The following NLGN1 variants were observed in gnomAD, a reference collection of about 807,000 sequenced individuals.
NLGN1 encodes the protein neuroligin 1, also known as neuroligin-1.
NLGN1 carries 12 observed loss-of-function variants against 65.5 expected under a neutral mutation model. The ratio of observed to expected loss-of-function variants is 0.18; its 90% CI spans 0.12 to 0.30. NLGN1 has a LOEUF of 0.30. NLGN1 is among the 10% of genes least tolerant of loss of function. NLGN1 has a pLI of 1.00. For synonymous variants in NLGN1, 350 were observed against 359.5 expected (o/e 0.97, Z 0.30); for missense variants, 750 against 1,007.1 (o/e 0.74, Z 3.46).
intron 2 of NLGN1, among the ~76,000 whole-genome samples, chr3:173,547,806 G>T (rs1385424335): frequency 6.6e-6 from 1 of 152,064 alleles, no homozygotes; most frequent in African/African-American, 2.4e-5. Context: ...TAAAATGAAG[G>T]TGGTCTGATT....
At chr3:173,472,126 A>C (rs1341857333) in intron 2 of NLGN1, among the ~76,000 whole-genome samples, 3 of 152,284 alleles carry the variant, frequency 2.0e-5, no homozygotes, top group South Asian at 4.1e-4. Flanking sequence ...TATGTAAAGT[A>C]ATGCACACGC....
At chr3:173,642,411 G>A (rs1357518486) in intron 3 of NLGN1, among the ~76,000 whole-genome samples, 2 of 152,102 alleles carry the variant, frequency 1.3e-5, no homozygotes, top group Non-Finnish European at 2.9e-5. Context: ...GGCATTGGGG[G>A]GTCTCCCTTG....
At chr3:174,108,977 G>A (rs558269693) in intron 4 of NLGN1, among the ~76,000 whole-genome samples, 51 of 152,000 alleles carry the variant, frequency 3.4e-4, no homozygotes, top group Middle Eastern at 6.8e-3. Context: ...TATATAACAG[G>A]TTTTTTATAA....
chr3:173,940,239 C>T (rs1303215660), intron 4 of NLGN1, among the ~76,000 whole-genome samples: 2 of 151,856 alleles, frequency 1.3e-5, no homozygotes, highest in African/African-American at 2.4e-5. Flanking sequence ...CAGGCATGCA[C>T]CACCACGCCC....
chr3:173,799,489 A>G (rs530088083), intron 3 of NLGN1, among the ~76,000 whole-genome samples: 1 of 152,108 alleles, frequency 6.6e-6, no homozygotes, highest in Admixed American at 6.5e-5. Flanking sequence ...ATTATAAATA[A>G]CTATACTGAG....
chr3:174,281,138 A>G, exon 7 of NLGN1: 1 of 1,613,402 alleles, frequency 6.2e-7, no homozygotes, highest in Non-Finnish European at 8.5e-7. Context: ...TGAGGAGGTC[A>G]CCTGATGATG....
intron 4 of NLGN1, among the ~76,000 whole-genome samples, chr3:174,199,656 T>C (rs1734084504): frequency 6.6e-6 from 1 of 152,120 alleles, no homozygotes; most frequent in African/African-American, 2.4e-5. Context: ...GTCAAATACA[T>C]GCTCCGAAAG....
intron 4 of NLGN1, among the ~76,000 whole-genome samples, chr3:174,201,364 AAGGAAGGAAGGAAAG>A (rs1395954132): frequency 6.6e-5 from 9 of 136,986 alleles, no homozygotes; most frequent in African/African-American, 8.8e-5. Flanking sequence ...GGAAGGAAGG[AAGGAAGGAAGGAAAG>A]AAGGAAGGAA....
At chr3:173,733,937 A>G (rs9827522) in intron 3 of NLGN1, among the ~76,000 whole-genome samples, 3,152 of 152,228 alleles carry the variant, frequency 0.021, 110 homozygotes, top group African/African-American at 0.072. Context: ...GTGAATGAGC[A>G]TAAAACCTAA....
intron 4 of NLGN1, among the ~76,000 whole-genome samples, chr3:174,225,543 AAC>A (rs1205547228): frequency 1.3e-5 from 2 of 152,158 alleles, no homozygotes; most frequent in Admixed American, 1.3e-4. Context: ...CATCCTGGCT[AAC>A]ACAGTGAAAC....
intron 3 of NLGN1, among the ~76,000 whole-genome samples, chr3:173,698,609 C>CA (rs941060228): frequency 2.6e-4 from 40 of 152,132 alleles, no homozygotes; most frequent in African/African-American, 8.4e-4. Flanking sequence ...GTGGAATATA[C>CA]AAAAAAATTG....
At chr3:174,075,032 C>G (rs750623823) in intron 4 of NLGN1, among the ~76,000 whole-genome samples, 3 of 152,132 alleles carry the variant, frequency 2.0e-5, no homozygotes, top group African/African-American at 4.8e-5. Context: ...GATTCTAGTG[C>G]TGTGGCATCA....
At chr3:173,592,569 C>G (rs1218773419) in intron 2 of NLGN1, among the ~76,000 whole-genome samples, 1 of 152,132 alleles carries the variant, frequency 6.6e-6, no homozygotes, top group Non-Finnish European at 1.5e-5. Context: ...TTTCGTCCCC[C>G]CTGGCTGCAA....
intron 4 of NLGN1, among the ~76,000 whole-genome samples, chr3:173,872,284 G>A (rs1360036717): frequency 6.6e-6 from 1 of 152,190 alleles, no homozygotes; most frequent in Admixed American, 6.5e-5. Flanking sequence ...GACAATAAAA[G>A]GTTTTCTAAT....
chr3:173,455,732 GTGTATATATA>G (rs1413460581), intron 2 of NLGN1, among the ~76,000 whole-genome samples: 1 of 151,960 alleles, frequency 6.6e-6, no homozygotes, highest in Non-Finnish European at 1.5e-5. Flanking sequence ...ATATATATGT[GTGTATATATA>G]TGTATATATG....
intron 3 of NLGN1, among the ~76,000 whole-genome samples, chr3:173,723,232 A>G (rs2150014311): frequency 6.6e-6 from 1 of 152,356 alleles, no homozygotes; most frequent in African/African-American, 2.4e-5. Flanking sequence ...CCTGTGGAAC[A>G]TTATAAGGAT....
intron 4 of NLGN1, among the ~76,000 whole-genome samples, chr3:174,133,683 G>A (rs527804333): frequency 1.2e-4 from 19 of 152,184 alleles, no homozygotes; most frequent in African/African-American, 4.1e-4. Flanking sequence ...GAAGATCTTA[G>A]TTATTCCTCT....
At chr3:174,292,988 A>G in the NLGN1 span, among the ~76,000 whole-genome samples, 4 of 151,496 alleles carry the variant, frequency 2.6e-5, no homozygotes, top group Admixed American at 2.0e-4. Flanking sequence ...ACGATTTAAA[A>G]TTTTCCCAGT....
At chr3:173,696,919 T>G (rs1230417203) in intron 3 of NLGN1, among the ~76,000 whole-genome samples, 2 of 152,148 alleles carry the variant, frequency 1.3e-5, no homozygotes, top group African/African-American at 4.8e-5. Context: ...TTCATAGAAG[T>G]ATATTGCTAC....
Sources: allele counts gnomAD v4.1 joint callset (sites outside exome capture counted in the v4.1 genomes callset), GRCh38; gene constraint gnomAD v4.1.1; transcripts MANE v1.5; gene names NCBI Gene and HGNC (gene_info 2026-07-23, HGNC 2026-07-21).